ALPL: variants seen among roughly 807,000 people sequenced by gnomAD.
ALPL encodes alkaline phosphatase, tissue-nonspecific isozyme.
ALPL carries 42 observed loss-of-function variants against 51.3 expected under a neutral mutation model. The observed-to-expected ratio is 0.82, with a 90% CI of 0.64 to 1.06. ALPL has a LOEUF of 1.06. Among genes scored for constraint, ALPL ranks in the 50% least tolerant of loss-of-function variants. ALPL has a pLI of 0.00. For missense variants in ALPL, 589 were observed against 709.4 expected, an observed-to-expected ratio of 0.83 and a Z score of 1.93; for synonymous variants, 279 against 296.4, an observed-to-expected ratio of 0.94 and a Z score of 0.60.
In ALPL at chr1:21,573,786, C is replaced by G; in HGVS notation, c.984C>G (p.Phe328Leu). ...TGCGGAAGAACCCCAAAGGCTTCTT[C>G]TTGCTGGTGGAAGGTAGGGACCCCG... ...QILRKNPKGF[F>L]LLVEGGRIDH... is the part of the protein sequence containing the mutation. Residue 328 changes from phenylalanine (F) to leucine (L), a missense_variant, in exon 9 of 12, where the codon TTC becomes TTG. Phe to Leu is a conservative substitution (Grantham distance 22). Coordinates refer to ENST00000374840, the MANE Select transcript of ALPL (RefSeq NM_000478.6). The G allele has an allele frequency of 6.2e-7, 1 of 1,614,192 alleles. No individual in the cohort carries two copies. The highest frequency in any genetic ancestry group is 8.5e-7 in the Non-Finnish European group (1 of 1,180,028).
At chr1:21,527,231 C>T (rs569111091) in intron 1 of ALPL, among the ~76,000 whole-genome samples, 113 of 152,074 alleles carry the variant, frequency 7.4e-4, no homozygotes, top group Non-Finnish European at 9.6e-4. Flanking sequence ...GGGGTTTCTC[C>T]GTGTTGGTCA....
intron 1 of ALPL, among the ~76,000 whole-genome samples, chr1:21,544,829 A>T (rs1644232263): frequency 6.6e-6 from 1 of 152,212 alleles, no homozygotes; most frequent in Non-Finnish European, 1.5e-5. Context: ...ACCTAAATAG[A>T]GTCACTTGTG....
At chr1:21,546,234 T>TGGAGTAAC (rs1365732772) in intron 1 of ALPL, among the ~76,000 whole-genome samples, 1 of 152,140 alleles carries the variant, frequency 6.6e-6, no homozygotes, top group African/African-American at 2.4e-5. Flanking sequence ...AAGGGCGTAA[T>TGGAGTAAC]GGAGTAACGA....
intron 2 of ALPL, among the ~76,000 whole-genome samples, chr1:21,559,308 A>C (rs1421770635): frequency 6.6e-6 from 1 of 152,174 alleles, no homozygotes; most frequent in Non-Finnish European, 1.5e-5. Context: ...TCCAGCTCCC[A>C]TAGCCAGGGT....
At chr1:21,573,988 T>G in intron 9 of ALPL, 189 bp downstream of exon 9, 2 of 985,416 alleles carry the variant, frequency 2.0e-6, no homozygotes, top group Non-Finnish European at 2.4e-6. Flanking sequence ...TGCTCTCCTT[T>G]GGGCATGGAG....
intron 4 of ALPL, 87 bp downstream of exon 4, chr1:21,561,299 T>C: frequency 3.3e-6 from 4 of 1,220,596 alleles, no homozygotes. Flanking sequence ...AGAGGTCCCC[T>C]GACCCCCTGA....
intron 1 of ALPL, among the ~76,000 whole-genome samples, chr1:21,530,802 A>G (rs1644018504): frequency 7.9e-6 from 1 of 127,248 alleles, no homozygotes; most frequent in Non-Finnish European, 1.6e-5. Flanking sequence ...TTTTTTTGAG[A>G]CATGGTCTCA....
intron 8 of ALPL, 107 bp downstream of exon 8, chr1:21,570,481 G>A: frequency 1.7e-6 from 2 of 1,193,158 alleles, no homozygotes; most frequent in Non-Finnish European, 2.4e-6. Context: ...CCCACTTAGG[G>A]GCCTCTGCTC....
chr1:21,518,819 C>A (rs1205786365), intron 1 of ALPL, among the ~76,000 whole-genome samples: 3 of 152,152 alleles, frequency 2.0e-5, no homozygotes, highest in African/African-American at 7.2e-5. Flanking sequence ...CTCTGCCAGA[C>A]TTGGGCTAGA....
chr1:21,552,105 T>TC (rs1558542001), intron 1 of ALPL, among the ~76,000 whole-genome samples: 2 of 22,836 alleles, frequency 8.8e-5, no homozygotes, highest in Non-Finnish European at 1.4e-4. Flanking sequence ...TCCCTTCCCT[T>TC]TCCTCCCCTT....
At chr1:21,565,933 A>C (rs1191935135) in intron 6 of ALPL, among the ~76,000 whole-genome samples, 1 of 152,232 alleles carries the variant, frequency 6.6e-6, no homozygotes, top group Non-Finnish European at 1.5e-5. Flanking sequence ...GCCCGTGTGA[A>C]GTCGCTGCCG....
At chr1:21,571,704 C>CA (rs1644651480) in intron 8 of ALPL, among the ~76,000 whole-genome samples, 1 of 148,064 alleles carries the variant, frequency 6.8e-6, no homozygotes, top group African/African-American at 2.5e-5. Flanking sequence ...CACGAAAAAA[C>CA]TTAGGCCAGG....
Position 21,577,616 on chromosome 1 carries a change from C to T in ALPL, c.1543C>T (p.Leu515=). The T allele has an allele frequency of 6.3e-7, 1 of 1,599,726 alleles. No homozygotes were observed. Among genetic ancestry groups the T allele is most frequent in the Non-Finnish European group, 8.5e-7 (1 of 1,179,486 alleles). ...SLAAGPLLLA[L]ALYPLSVLF ...TGCTGCAGGCCCCCTGCTGCTCGCG[C>T]TGGCCCTCTACCCCCTGAGCGTCCT... Residue 515 remains leucine (L), a synonymous_variant, in exon 12 of 12, where the codon CTG becomes TTG. Transcript: ENST00000374840.
At chr1:21,519,078 G>C (rs1253653773) in intron 1 of ALPL, among the ~76,000 whole-genome samples, 1 of 152,218 alleles carries the variant, frequency 6.6e-6, no homozygotes, top group African/African-American at 2.4e-5. Context: ...CAGGGAAAGG[G>C]GCTGTAGTGT....
chr1:21,577,373 T>C lies in ALPL; in HGVS notation c.1310-10T>C. On this transcript the variant is annotated splice_polypyrimidine_tract_variant and intron_variant, in intron 11 of 11. Transcript: ENST00000374840. ...GCAGGCTCTCAGCAGGTGTTTCCCCTGGCCCACAGCTCACAACAACTACCA... is the reference window on the plus strand; with the variant it reads ...GCAGGCTCTCAGCAGGTGTTTCCCCCGGCCCACAGCTCACAACAACTACCA... 6.2e-7 allele frequency: 1 copy of C among 1,613,226 alleles called. No homozygotes were observed. Among genetic ancestry groups the C allele is most frequent in the Non-Finnish European group, 8.5e-7 (1 of 1,179,958 alleles).
chr1:21,521,985 G>T (rs1363000213), intron 1 of ALPL, among the ~76,000 whole-genome samples: 3 of 152,106 alleles, frequency 2.0e-5, no homozygotes, highest in Admixed American at 2.0e-4. Context: ...GTCCCTAAGT[G>T]AAAGGTCACT....
chr1:21,541,463 C>T (rs1046691927), intron 1 of ALPL, among the ~76,000 whole-genome samples: 4 of 152,230 alleles, frequency 2.6e-5, no homozygotes, highest in African/African-American at 7.2e-5. Context: ...TCTCTTCAGC[C>T]ACCCACCCTC....
chr1:21,551,719 GTTTT>G (rs397861981), intron 1 of ALPL, among the ~76,000 whole-genome samples: 2 of 61,440 alleles, frequency 3.3e-5, no homozygotes, highest in African/African-American at 1.2e-4. Context: ...AGCTTGCGTG[GTTTT>G]TTTTTTTTTT....
At chr1:21,531,268 T>A (rs928882342) in intron 1 of ALPL, among the ~76,000 whole-genome samples, 1 of 152,046 alleles carries the variant, frequency 6.6e-6, no homozygotes, top group Non-Finnish European at 1.5e-5. Flanking sequence ...AATTTTTTGA[T>A]TTTTTTGTAA....
Sources: allele counts gnomAD v4.1 joint callset (sites outside exome capture counted in the v4.1 genomes callset), GRCh38; gene constraint gnomAD v4.1.1; transcripts MANE v1.5; gene names NCBI Gene and HGNC (gene_info 2026-07-23, HGNC 2026-07-21).